Variants in PDE1A observed in about 807,000 individuals in gnomAD.
The protein encoded by PDE1A is phosphodiesterase 1A.
A neutral mutation model predicts 61.7 loss-of-function variants in PDE1A; 35 were observed. That is an observed-to-expected ratio of 0.57 (90% confidence interval 0.43 to 0.75). The LOEUF (loss-of-function observed/expected upper bound fraction) is 0.75. Ranked by LOEUF, PDE1A falls within the 30% of genes least tolerant of loss-of-function variation. The probability of loss-of-function intolerance (pLI) is 0.00; values close to 1 mark genes in which losing one functional copy is unlikely to be tolerated. For missense variants in PDE1A, 597 were observed against 630.6 expected, an observed-to-expected ratio of 0.95 and a Z score of 0.57; for synonymous variants, 232 against 213.2, an observed-to-expected ratio of 1.09 and a Z score of -0.77.
At chr2:182,473,142 G>C (rs529949107) in intron 2 of PDE1A, among the ~76,000 whole-genome samples, 1 of 151,778 alleles carries the variant, frequency 6.6e-6, no homozygotes, top group South Asian at 2.1e-4. Context: ...ATGGATTAAA[G>C]ACTTAAACCT....
the PDE1A span, among the ~76,000 whole-genome samples, chr2:182,553,461 C>T: frequency 6.6e-6 from 1 of 152,190 alleles, no homozygotes; most frequent in African/African-American, 2.4e-5. Context: ...AGCTCCTGAC[C>T]TCAGGTGATC....
intron 3 of PDE1A, among the ~76,000 whole-genome samples, chr2:182,234,982 T>G (rs1281757712): frequency 6.6e-6 from 1 of 152,236 alleles, no homozygotes; most frequent in Non-Finnish European, 1.5e-5. Flanking sequence ...TCCCCCTTCT[T>G]TTATTTAATG....
At chr2:182,339,503 T>C (rs1176506168) in intron 1 of PDE1A, among the ~76,000 whole-genome samples, 1 of 152,194 alleles carries the variant, frequency 6.6e-6, no homozygotes, top group Non-Finnish European at 1.5e-5. Flanking sequence ...ATTACTGTAA[T>C]AATATGTAAC....
At chr2:182,644,781 C>G in the PDE1A span, among the ~76,000 whole-genome samples, 2 of 151,910 alleles carry the variant, frequency 1.3e-5, no homozygotes, top group Non-Finnish European at 2.9e-5. Flanking sequence ...TTCTTCTTTC[C>G]CAGTTCTATT....
chr2:182,711,991 T>A, the PDE1A span, among the ~76,000 whole-genome samples: 1 of 152,198 alleles, frequency 6.6e-6, no homozygotes, highest in Non-Finnish European at 1.5e-5. Flanking sequence ...CTCAGACATC[T>A]CTATAATGAA....
the PDE1A span, among the ~76,000 whole-genome samples, chr2:182,645,014 C>T: frequency 0.4 from 57,707 of 143,414 alleles, 12,969 homozygotes; most frequent in Admixed American, 0.56. Flanking sequence ...GAGACTGAGT[C>T]TCGCTCTGTT....
chr2:182,633,135 T>G, the PDE1A span, among the ~76,000 whole-genome samples: 1 of 152,134 alleles, frequency 6.6e-6, no homozygotes, highest in Non-Finnish European at 1.5e-5. Context: ...TCAGATACAT[T>G]TAGGATGGAG....
intron 2 of PDE1A, among the ~76,000 whole-genome samples, chr2:182,446,318 CA>C (rs1405327040): frequency 5.9e-5 from 9 of 152,198 alleles, no homozygotes; most frequent in South Asian, 4.1e-4. Flanking sequence ...AAAGCTCTCA[CA>C]AGGTTCAATT....
At chr2:182,559,887 C>T in the PDE1A span, among the ~76,000 whole-genome samples, 1 of 151,974 alleles carries the variant, frequency 6.6e-6, no homozygotes, top group African/African-American at 2.4e-5. Context: ...TTGAATGAAT[C>T]CATTTAAATT....
intron 1 of PDE1A, among the ~76,000 whole-genome samples, chr2:182,331,397 T>TA (rs1225653688): frequency 6.6e-6 from 1 of 152,246 alleles, no homozygotes; most frequent in African/African-American, 2.4e-5. Context: ...ATCATTATGC[T>TA]AGCTAGTTAT....
intron 1 of PDE1A, among the ~76,000 whole-genome samples, chr2:182,273,615 A>G (rs1168245957): frequency 6.6e-6 from 1 of 152,132 alleles, no homozygotes; most frequent in African/African-American, 2.4e-5. Flanking sequence ...ATGATGAAAC[A>G]AACTATGATG....
intron 2 of PDE1A, among the ~76,000 whole-genome samples, chr2:182,479,174 T>C (rs975238331): frequency 1.3e-5 from 2 of 151,912 alleles, no homozygotes; most frequent in East Asian, 1.9e-4. Context: ...GCAGTCTATA[T>C]AGAAAGTGTT....
chr2:182,397,125 C>T (rs1006694201), intron 1 of PDE1A, among the ~76,000 whole-genome samples: 2 of 152,140 alleles, frequency 1.3e-5, no homozygotes, highest in African/African-American at 4.8e-5. Context: ...TGCCTTTCTG[C>T]ATGCACTATT....
the PDE1A span, among the ~76,000 whole-genome samples, chr2:182,689,333 A>G: frequency 6.6e-6 from 1 of 152,246 alleles, no homozygotes; most frequent in East Asian, 1.9e-4. Flanking sequence ...ACTGTCTCTC[A>G]GACCACAGTG....
intron 13 of PDE1A, among the ~76,000 whole-genome samples, chr2:182,168,861 T>A (rs962161010): frequency 6.6e-6 from 1 of 152,050 alleles, no homozygotes; most frequent in Non-Finnish European, 1.5e-5. Context: ...AATTTCTGAT[T>A]GAATTACAGA....
chr2:182,212,749 C>T (rs939000461), intron 7 of PDE1A, among the ~76,000 whole-genome samples: 4 of 152,224 alleles, frequency 2.6e-5, no homozygotes, highest in Non-Finnish European at 4.4e-5. Context: ...TATCCCGCAC[C>T]TGGCTCGGAG....
intron 1 of PDE1A, among the ~76,000 whole-genome samples, chr2:182,387,034 A>G (rs985429855): frequency 3.4e-4 from 51 of 152,212 alleles, no homozygotes; most frequent in African/African-American, 1.0e-3. Flanking sequence ...TCTGTGTGGA[A>G]AGAAGTAGAC....
At chr2:182,418,623 G>A (rs1441989967) in intron 1 of PDE1A, among the ~76,000 whole-genome samples, 1 of 152,162 alleles carries the variant, frequency 6.6e-6, no homozygotes, top group African/African-American at 2.4e-5. Flanking sequence ...AAGCATAAGC[G>A]TTTTAAGAGC....
Position 182,508,734 on chromosome 2 carries a change from T to A in PDE1A, c.101+13542A>T, listed in dbSNP as rs193122000. ...CAAAGCCATTTGTAAATTTCTTTTT[T>A]TTTTTATTTTTTTTTTATTTTTATT... On this transcript the variant is annotated intron_variant, in intron 2 of 14. Coordinates refer to the PDE1A transcript ENST00000410103. Among the ~76,000 whole-genome samples, 1,053 of 148,794 alleles carry A rather than the reference T, an allele frequency of 7.1e-3. 10 individuals are homozygous for A. The highest frequency in any genetic ancestry group is 0.017 in the Middle Eastern group (5 of 286).
Sources: allele counts gnomAD v4.1 joint callset (sites outside exome capture counted in the v4.1 genomes callset), GRCh38; gene constraint gnomAD v4.1.1; transcripts MANE v1.5; gene names NCBI Gene and HGNC (gene_info 2026-07-23, HGNC 2026-07-21).